TNFSF4: variants seen among roughly 807,000 people sequenced by gnomAD.
TNFSF4 encodes TNF superfamily member 4.
A neutral mutation model predicts 7.3 loss-of-function variants in TNFSF4; 4 were observed. That is an observed-to-expected ratio of 0.55 (90% CI 0.27 to 1.25). The LOEUF is 1.25. TNFSF4 is among the 50% of genes most tolerant of loss of function. The pLI is 0.12. For synonymous variants in TNFSF4, 76 were observed against 83.7 expected (o/e 0.91, Z 0.50); for missense variants, 181 against 208.8 (o/e 0.87, Z 0.82).
At chr1:173,225,102 T>G in the TNFSF4 span, among the ~76,000 whole-genome samples, 1 of 152,196 alleles carries the variant, frequency 6.6e-6, no homozygotes. Context: ...TGTCTCATAC[T>G]CCCCTTGTTA....
the TNFSF4 span, among the ~76,000 whole-genome samples, chr1:173,251,907 CT>C: frequency 6.6e-6 from 1 of 152,188 alleles, no homozygotes; most frequent in Non-Finnish European, 1.5e-5. Context: ...CCTATTTTCC[CT>C]GGAAAGAAAC....
chr1:173,302,356 G>A, the TNFSF4 span, among the ~76,000 whole-genome samples: 2 of 152,014 alleles, frequency 1.3e-5, no homozygotes, highest in South Asian at 2.1e-4. Context: ...ACTGATTGTA[G>A]AGAGTTCTGA....
chr1:173,292,386 T>C, the TNFSF4 span, among the ~76,000 whole-genome samples: 1 of 152,132 alleles, frequency 6.6e-6, no homozygotes, highest in African/African-American at 2.4e-5. Flanking sequence ...AAAAACCATA[T>C]GATCATCTCA....
chr1:173,312,908 C>A, the TNFSF4 span, among the ~76,000 whole-genome samples: 1 of 152,090 alleles, frequency 6.6e-6, no homozygotes, highest in Non-Finnish European at 1.5e-5. Context: ...TGGAATCAAC[C>A]CTTTCCTCCA....
chr1:173,194,685 CCAGCCT>C (rs1649621949), intron 1 of TNFSF4, among the ~76,000 whole-genome samples: 1 of 151,690 alleles, frequency 6.6e-6, no homozygotes, highest in Admixed American at 6.6e-5. Flanking sequence ...GAGTCCAGGA[CCAGCCT>C]GGACAACATG....
At chr1:173,232,281 G>T in the TNFSF4 span, among the ~76,000 whole-genome samples, 1 of 152,138 alleles carries the variant, frequency 6.6e-6, no homozygotes, top group African/African-American at 2.4e-5. Flanking sequence ...TCTGTTATTG[G>T]TGTATAAGAA....
chr1:173,196,569 C>A (rs987661230), intron 1 of TNFSF4, among the ~76,000 whole-genome samples: 9 of 152,126 alleles, frequency 5.9e-5, no homozygotes, highest in African/African-American at 2.2e-4. Context: ...CGCAGAGAAG[C>A]CTCTCTCCTC....
the TNFSF4 span, among the ~76,000 whole-genome samples, chr1:173,262,174 A>C: frequency 1.3e-5 from 2 of 152,228 alleles, no homozygotes; most frequent in Non-Finnish European, 2.9e-5. Flanking sequence ...GGCTGGTTCA[A>C]CATATGCAAA....
chr1:173,415,092 T>C, the TNFSF4 span, among the ~76,000 whole-genome samples: 1 of 152,232 alleles, frequency 6.6e-6, no homozygotes, highest in African/African-American at 2.4e-5. Context: ...AATCCCCCCT[T>C]ATCCCTGATG....
the TNFSF4 span, among the ~76,000 whole-genome samples, chr1:173,315,617 GT>G: frequency 6.6e-6 from 1 of 152,166 alleles, no homozygotes. Context: ...GGAGGCTACT[GT>G]GGGTGAGAAA....
At chr1:173,305,165 C>T in the TNFSF4 span, among the ~76,000 whole-genome samples, 1 of 152,010 alleles carries the variant, frequency 6.6e-6, no homozygotes, top group South Asian at 2.1e-4. Flanking sequence ...TTATACTACT[C>T]CATATGTTAT....
the TNFSF4 span, among the ~76,000 whole-genome samples, chr1:173,419,909 G>T: frequency 1.3e-5 from 2 of 151,830 alleles, no homozygotes; most frequent in Admixed American, 6.6e-5. Context: ...GTGTGGCGGG[G>T]GGGGGGATGA....
At chr1:173,274,934 C>T in the TNFSF4 span, among the ~76,000 whole-genome samples, 1 of 151,940 alleles carries the variant, frequency 6.6e-6, no homozygotes, top group East Asian at 1.9e-4. Context: ...GTTAGATTTC[C>T]CCTGAGTTAA....
At chr1:173,423,514 G>A in the TNFSF4 span, among the ~76,000 whole-genome samples, 52 of 152,270 alleles carry the variant, frequency 3.4e-4, no homozygotes, top group African/African-American at 1.1e-3. Flanking sequence ...GCAACTGTCA[G>A]CCTGTGTGGA....
chr1:173,424,593 C>T, the TNFSF4 span, among the ~76,000 whole-genome samples: 11 of 152,070 alleles, frequency 7.2e-5, no homozygotes, highest in Non-Finnish European at 1.0e-4. Flanking sequence ...ACAATTTTCA[C>T]GGCTTAAGAT....
chr1:173,265,204 A>G, the TNFSF4 span, among the ~76,000 whole-genome samples: 2 of 152,206 alleles, frequency 1.3e-5, no homozygotes, highest in African/African-American at 2.4e-5. Context: ...TAAAGGACAA[A>G]GAGACCAATT....
the TNFSF4 span, among the ~76,000 whole-genome samples, chr1:173,173,758 G>A: frequency 1.8e-4 from 28 of 152,246 alleles, no homozygotes; most frequent in African/African-American, 6.3e-4. Flanking sequence ...CTGGGACACA[G>A]GGCACCATGT....
chr1:173,213,393 C>G, the TNFSF4 span, among the ~76,000 whole-genome samples: 4 of 152,026 alleles, frequency 2.6e-5, no homozygotes, highest in Non-Finnish European at 5.9e-5. Context: ...AAATTTTTCT[C>G]TGAATGGAAC....
chr1:173,180,701 C>T (rs1198826744), downstream of TNFSF4, among the ~76,000 whole-genome samples: 3 of 152,010 alleles, frequency 2.0e-5, no homozygotes, highest in African/African-American at 7.2e-5. Context: ...ATAGTATGAA[C>T]ATGATTAAAG....
Sources: gnomAD v4.1 joint callset for allele counts (sites outside exome capture counted in the v4.1 genomes callset) on GRCh38, gnomAD v4.1.1 for gene constraint, MANE v1.5 for transcripts, NCBI Gene and HGNC (gene_info 2026-07-23, HGNC 2026-07-21) for gene names.